SMYD2: variants seen among roughly 807,000 people sequenced by gnomAD.
The protein encoded by SMYD2 is SET and MYND domain containing 2, also known as N-lysine methyltransferase SMYD2.
A neutral mutation model predicts 59.1 loss-of-function variants in SMYD2; 53 were observed. The ratio of observed to expected loss-of-function variants is 0.90; its 90% CI spans 0.72 to 1.13. The LOEUF (loss-of-function observed/expected upper bound fraction) is 1.13. Ranked by LOEUF, SMYD2 falls within the 50% of genes most tolerant of loss-of-function variation. SMYD2 has a pLI of 0.00. For synonymous variants in SMYD2, 208 were observed against 198.8 expected (o/e 1.05, Z -0.39); for missense variants, 494 against 544.7 (o/e 0.91, Z 0.93).
rs188842429 is a variant in SMYD2, at chr1:214,283,310, A to G, written c.173+1883A>G. ...TTGTTGTTAAATTTTTCTGATTGAC[A>G]TTTATTAGTGTTACTCACTGTTGCC... is the stretch of plus-strand genomic sequence containing the variant. On this transcript the variant is annotated intron_variant, in intron 1 of 11. Transcript: ENST00000366957. 2.0e-5 allele frequency among the ~76,000 whole-genome samples: 3 copies of G among 152,252 alleles called. No homozygotes were observed. The East Asian group carries it at 5.8e-4, about 29-fold the overall frequency.
intron 2 of SMYD2, among the ~76,000 whole-genome samples, chr1:214,311,739 A>G (rs1229719495): frequency 6.6e-6 from 1 of 152,172 alleles, no homozygotes; most frequent in Non-Finnish European, 1.5e-5. Context: ...TAATTATATT[A>G]ATAAATGTTC....
intron 1 of SMYD2, among the ~76,000 whole-genome samples, chr1:214,299,829 A>G (rs111553616): frequency 1.3e-5 from 2 of 152,014 alleles, no homozygotes; most frequent in African/African-American, 2.4e-5. Flanking sequence ...GATGGTCTTG[A>G]TCTCCTGACC....
At chr1:214,290,512 A>G (rs1656618914) in intron 1 of SMYD2, among the ~76,000 whole-genome samples, 1 of 152,208 alleles carries the variant, frequency 6.6e-6, no homozygotes, top group Admixed American at 6.5e-5. Flanking sequence ...GTCCCTAGAG[A>G]TAAAAATGAA....
Position 214,318,947 on chromosome 1 carries a change from C to T in SMYD2, c.498C>T (p.Phe166=), listed in dbSNP as rs775244264. 1.4e-5 allele frequency: 23 copies of T among 1,613,938 alleles called. No homozygotes were observed. Among genetic ancestry groups the T allele is most frequent in the Non-Finnish European group, 5.1e-6 (6 of 1,180,010 alleles). ...LHHFYSKHLG[F]PDNDSLVVLF... is the part of the protein sequence containing the mutation. ...ACTTTTACTCCAAGCATCTCGGATT[C>T]CCTGACAATGATAGCCTCGTAGTAC... is the stretch of plus-strand genomic sequence containing the variant. The change falls in exon 5 of 12, where the codon TTC becomes TTT. Residue 166 remains phenylalanine, a synonymous_variant. Coordinates refer to ENST00000366957, the MANE Select transcript of SMYD2 (RefSeq NM_020197.3). The surrounding 1 kb of genome is among the most constrained non-coding windows in gnomAD (Gnocchi z 5.4).
At chr1:214,313,397 A>G (rs1381613527) in intron 2 of SMYD2, among the ~76,000 whole-genome samples, 1 of 151,558 alleles carries the variant, frequency 6.6e-6, no homozygotes, top group African/African-American at 2.4e-5. Context: ...ATTTATGGCC[A>G]TTTTCTGAGC....
chr1:214,314,175 CA>C (rs58438778), intron 2 of SMYD2, among the ~76,000 whole-genome samples: 7,192 of 138,864 alleles, frequency 0.052, 340 homozygotes, highest in African/African-American at 0.13. Context: ...GACTCTGTCT[CA>C]AAAAAAAAAA....
rs765998966 is a variant in SMYD2, at chr1:214,327,593, A to G, written c.603-29A>G. The G allele has an allele frequency of 2.3e-5, 36 of 1,597,164 alleles. No homozygotes were observed. In the South Asian group the frequency reaches 4.0e-4, roughly 18 times the overall value. ...TAAACAGTCTGCCTATCTCATTTTA[A>G]AAACTGGGTTTTCTCTTCTGACTGA... On this transcript the variant is annotated intron_variant, in intron 6 of 11. Coordinates refer to ENST00000366957, the MANE Select transcript of SMYD2 (RefSeq NM_020197.3).
At chr1:214,299,465 T>TTATATATATATATATATATGTATA (rs756823866) in intron 1 of SMYD2, among the ~76,000 whole-genome samples, 1 of 71,610 alleles carries the variant, frequency 1.4e-5, no homozygotes, top group Non-Finnish European at 2.9e-5. Flanking sequence ...AAAGAAAACA[T>TTATATATATATATATATATGTATA]TATATATATA....
At chr1:214,330,481 ACACT>A (rs1657334281) in intron 8 of SMYD2, among the ~76,000 whole-genome samples, 1 of 152,200 alleles carries the variant, frequency 6.6e-6, no homozygotes, top group East Asian at 1.9e-4. Flanking sequence ...CATTTCCATT[ACACT>A]GTACAAACAG....
At chr1:214,306,795 T>C (rs1342447490) in intron 2 of SMYD2, among the ~76,000 whole-genome samples, 4 of 152,194 alleles carry the variant, frequency 2.6e-5, no homozygotes, top group Non-Finnish European at 5.9e-5. Context: ...TCACATGTAG[T>C]TCAGATCATA....
In SMYD2 at chr1:214,296,193, G is replaced by A. The variant is rs568201084; in HGVS notation, c.174-8994G>A. Among the ~76,000 whole-genome samples, 10 of 152,340 alleles carry A rather than the reference G, an allele frequency of 6.6e-5. No individual in the cohort carries two copies. In the South Asian group the frequency reaches 8.3e-4, roughly 13 times the overall value. On this transcript the variant is annotated intron_variant, in intron 1 of 11. Transcript: ENST00000366957. ...CTAGACCAACAGCACCTGCGGCAAC[G>A]CATTAACTAGCAGGAGTTGTTAATT...
chr1:214,304,064 G>A (rs533353940), intron 1 of SMYD2, among the ~76,000 whole-genome samples: 1 of 152,340 alleles, frequency 6.6e-6, no homozygotes, highest in East Asian at 1.9e-4. Context: ...AAAAGCTTTG[G>A]TTCATCTCAC....
chr1:214,336,005 T>C (rs905989746), intron 11 of SMYD2, among the ~76,000 whole-genome samples: 2 of 152,192 alleles, frequency 1.3e-5, no homozygotes, highest in Admixed American at 6.5e-5. Flanking sequence ...AAAATAGCTT[T>C]GATATAAAAT....
intron 11 of SMYD2, among the ~76,000 whole-genome samples, chr1:214,334,908 TC>T (rs1657412371): frequency 6.6e-6 from 1 of 152,174 alleles, no homozygotes; most frequent in Non-Finnish European, 1.5e-5. Flanking sequence ...CTTCGGCTCC[TC>T]CCACTCAAGC....
chr1:214,288,160 C>T (rs187086091), intron 1 of SMYD2, among the ~76,000 whole-genome samples: 2 of 152,264 alleles, frequency 1.3e-5, no homozygotes, highest in African/African-American at 2.4e-5. Context: ...AGAATCCTCT[C>T]AATCAAAAAA....
chr1:214,317,068 T>G (rs1383011048), intron 3 of SMYD2, among the ~76,000 whole-genome samples: 1 of 152,186 alleles, frequency 6.6e-6, no homozygotes, highest in Non-Finnish European at 1.5e-5. Context: ...TAGACTTTCC[T>G]GAATGAAAAG....
chr1:214,323,773 G>A (rs114003101), intron 5 of SMYD2, among the ~76,000 whole-genome samples: 313 of 152,232 alleles, frequency 2.1e-3, no homozygotes, highest in African/African-American at 6.9e-3. Flanking sequence ...AAGGTGGCCT[G>A]TAGGTGATTT....
At chr1:214,287,313 G>A (rs112870428) in intron 1 of SMYD2, among the ~76,000 whole-genome samples, 11,586 of 151,930 alleles carry the variant, frequency 0.076, 499 homozygotes, top group South Asian at 0.2. Flanking sequence ...TTGGCTGGGC[G>A]CGGTGGCTCA....
chr1:214,326,500 G>T (rs1463224457), intron 6 of SMYD2, among the ~76,000 whole-genome samples: 1 of 152,000 alleles, frequency 6.6e-6, no homozygotes, highest in Non-Finnish European at 1.5e-5. Context: ...TGATTCCTTG[G>T]GCATCACTTT....
Sources: allele counts gnomAD v4.1 joint callset (sites outside exome capture counted in the v4.1 genomes callset), GRCh38; gene constraint gnomAD v4.1.1; non-coding constraint Gnocchi (gnomAD v3.1); transcripts MANE v1.5; gene names NCBI Gene and HGNC (gene_info 2026-07-23, HGNC 2026-07-21).